The following TBC1D5 variants were observed in gnomAD, a reference collection of about 807,000 sequenced individuals.
The protein encoded by TBC1D5 is TBC1 domain family member 5.
A neutral mutation model predicts 100.3 loss-of-function variants in TBC1D5; 75 were observed. The ratio of observed to expected loss-of-function variants is 0.75; its 90% CI spans 0.62 to 0.91. TBC1D5 has a LOEUF of 0.91. Among genes scored for constraint, TBC1D5 ranks in the 40% least tolerant of loss-of-function variants. The pLI is 0.00. For missense variants in TBC1D5, 910 were observed against 942.4 expected (o/e 0.97, Z 0.45); for synonymous variants, 323 against 325.6 (o/e 0.99, Z 0.09).
intron 1 of TBC1D5, chr3:17,699,902 C>T (rs543388447): frequency 6.6e-6 from 1 of 151,988 alleles, no homozygotes; most frequent in African/African-American, 2.4e-5. Flanking sequence ...GTGAGAAAAT[C>T]CAGCACCCGG....
intron 13 of TBC1D5, among the ~76,000 whole-genome samples, chr3:17,322,794 C>T (rs1179714954): frequency 3.9e-5 from 6 of 152,050 alleles, no homozygotes; most frequent in East Asian, 1.9e-4. Flanking sequence ...TAACAGAAAA[C>T]GAACTACTAC....
intron 18 of TBC1D5, among the ~76,000 whole-genome samples, chr3:17,187,386 A>C (rs2069268109): frequency 6.6e-6 from 1 of 152,224 alleles, no homozygotes; most frequent in Non-Finnish European, 1.5e-5. Flanking sequence ...GAAAGAAAGG[A>C]GAGAACACAT....
At chr3:17,263,863 C>T (rs2078592463) in intron 15 of TBC1D5, among the ~76,000 whole-genome samples, 1 of 152,176 alleles carries the variant, frequency 6.6e-6, no homozygotes, top group Non-Finnish European at 1.5e-5. Flanking sequence ...TACAATAATG[C>T]TTAAATAACA....
intron 13 of TBC1D5, among the ~76,000 whole-genome samples, chr3:17,331,999 T>C (rs1228951039): frequency 6.6e-6 from 1 of 152,220 alleles, no homozygotes; most frequent in Non-Finnish European, 1.5e-5. Context: ...TGGGATGCTC[T>C]TGGAGGGTTT....
chr3:17,446,756 C>G (rs976562467), intron 3 of TBC1D5, among the ~76,000 whole-genome samples: 1 of 152,162 alleles, frequency 6.6e-6, no homozygotes, highest in Admixed American at 6.5e-5. Flanking sequence ...TGGATCACGA[C>G]GTCAGGAGAT....
intron 2 of TBC1D5, among the ~76,000 whole-genome samples, chr3:17,600,185 T>A (rs1576943508): frequency 6.6e-6 from 1 of 151,418 alleles, no homozygotes; most frequent in Admixed American, 6.6e-5. Flanking sequence ...TTAGAAGTTG[T>A]CAAGTTGTGA....
intron 2 of TBC1D5, among the ~76,000 whole-genome samples, chr3:17,558,546 T>C (rs960635592): frequency 1.3e-5 from 2 of 152,198 alleles, no homozygotes; most frequent in African/African-American, 2.4e-5. Context: ...CATACAGTTA[T>C]ATATGGGAAT....
chr3:17,601,430 G>A (rs980056461), intron 2 of TBC1D5, among the ~76,000 whole-genome samples: 1 of 152,240 alleles, frequency 6.6e-6, no homozygotes, highest in Non-Finnish European at 1.5e-5. Flanking sequence ...AGAATCGCTT[G>A]AATCCGGGAG....
chr3:17,166,926 G>A (rs775989986), exon 21 of TBC1D5: 1 of 1,594,780 alleles, frequency 6.3e-7, no homozygotes, highest in Non-Finnish European at 8.5e-7. Flanking sequence ...GAATGTCTTT[G>A]ATCTATTTTC....
intron 18 of TBC1D5, among the ~76,000 whole-genome samples, chr3:17,211,937 T>A (rs1449883): frequency 0.41 from 62,160 of 152,002 alleles, 13,399 homozygotes; most frequent in Middle Eastern, 0.5. Flanking sequence ...AGTAAACTCT[T>A]CAGAGAGCAA....
At chr3:17,213,787 T>C (rs868618444) in intron 18 of TBC1D5, among the ~76,000 whole-genome samples, 5 of 150,300 alleles carry the variant, frequency 3.3e-5, no homozygotes, top group South Asian at 4.2e-4. Flanking sequence ...AAAATAGAAT[T>C]TAAATGTAGT....
chr3:17,699,868 G>A (rs2072874614), intron 1 of TBC1D5: 1 of 151,728 alleles, frequency 6.6e-6, no homozygotes, highest in Admixed American at 6.6e-5. Context: ...CACTGTGGCT[G>A]ACAGTATCTA....
At chr3:17,725,429 G>A (rs559972292) in intron 1 of TBC1D5, among the ~76,000 whole-genome samples, 2 of 151,480 alleles carry the variant, frequency 1.3e-5, no homozygotes, top group African/African-American at 4.8e-5. Context: ...TTTTCTTGCA[G>A]CCTCCTGTGG....
chr3:17,286,502 A>T (rs1410664653), intron 15 of TBC1D5, among the ~76,000 whole-genome samples: 1 of 152,214 alleles, frequency 6.6e-6, no homozygotes, highest in East Asian at 1.9e-4. Flanking sequence ...TTGTTTTTGG[A>T]AATCTGCTTA....
chr3:17,633,271 T>C (rs1279256195), intron 1 of TBC1D5, among the ~76,000 whole-genome samples: 1 of 152,066 alleles, frequency 6.6e-6, no homozygotes. Context: ...GTCTCGTCTC[T>C]ACTAAAAAAT....
chr3:17,614,388 A>G (rs999728223), intron 2 of TBC1D5, among the ~76,000 whole-genome samples: 4 of 152,196 alleles, frequency 2.6e-5, no homozygotes, highest in African/African-American at 7.2e-5. Flanking sequence ...TTGGTTCCAT[A>G]TGAACTTTAA....
intron 2 of TBC1D5, among the ~76,000 whole-genome samples, chr3:17,511,560 A>C (rs2095907241): frequency 6.6e-6 from 1 of 152,010 alleles, no homozygotes; most frequent in Admixed American, 6.5e-5. Flanking sequence ...CCTCATCTTT[A>C]TGTTGTCAGA....
Position 17,577,757 on chromosome 3 carries a change from ACT to A in TBC1D5, c.-36+46090_-36+46091del, listed in dbSNP as rs1226013849. On this transcript the variant is annotated intron_variant, in intron 2 of 21. Transcript: ENST00000253692. ...ATTATGAAAGAGGTATAAAACAAATACTCTGACCATAAACCCTGAATGTTCAA... is the reference window on the plus strand; with the variant it reads ...ATTATGAAAGAGGTATAAAACAAATACTGACCATAAACCCTGAATGTTCAA... Among the ~76,000 whole-genome samples the A allele has an allele frequency of 3.3e-5, 5 of 151,958 alleles. No individual in the cohort carries two copies. In the East Asian group the frequency reaches 7.7e-4, roughly 23 times the overall value.
At chr3:17,207,512 T>C (rs2072367550) in intron 18 of TBC1D5, among the ~76,000 whole-genome samples, 1 of 152,196 alleles carries the variant, frequency 6.6e-6, no homozygotes, top group South Asian at 2.1e-4. Flanking sequence ...ATGTCTTTTA[T>C]AAAAATCTGG....
Sources: allele counts gnomAD v4.1 joint callset (sites outside exome capture counted in the v4.1 genomes callset), GRCh38; gene constraint gnomAD v4.1.1; transcripts MANE v1.5; gene names NCBI Gene and HGNC (gene_info 2026-07-23, HGNC 2026-07-21).